The following ASTN2 variants were observed in gnomAD, a reference collection of about 807,000 sequenced individuals.
ASTN2 encodes astrotactin 2, also known as astrotactin-2.
A neutral mutation model predicts 139.8 loss-of-function variants in ASTN2; 54 were observed. That is an observed-to-expected ratio of 0.39 (90% CI 0.31 to 0.48). The LOEUF is 0.48. ASTN2 is among the 20% of genes least tolerant of loss of function. The pLI is 0.95. For synonymous variants in ASTN2, 756 were observed against 719.5 expected (o/e 1.05, Z -0.81); for missense variants, 1,565 against 1,725.1 (o/e 0.91, Z 1.64).
chr9:117,091,585 G>A (rs1828707723), intron 5 of ASTN2, among the ~76,000 whole-genome samples: 2 of 152,040 alleles, frequency 1.3e-5, no homozygotes, highest in Non-Finnish European at 2.9e-5. Flanking sequence ...GGGGGCAGGT[G>A]AATGAGTCAA....
chr9:116,677,784 T>A (rs1373760707), intron 16 of ASTN2, among the ~76,000 whole-genome samples: 2 of 152,204 alleles, frequency 1.3e-5, no homozygotes, highest in Non-Finnish European at 2.9e-5. Context: ...TTTGGGTATC[T>A]GTCTTTGCGT....
intron 5 of ASTN2, among the ~76,000 whole-genome samples, chr9:117,087,026 C>G (rs1309510205): frequency 6.6e-6 from 1 of 152,070 alleles, no homozygotes. Context: ...GTCCTGGGGG[C>G]GTTCTCTGCA....
In ASTN2 at chr9:116,616,285, A is replaced by G. The variant is rs551984744; in HGVS notation, c.3355+2039T>C. ...TTCCAATGCTGAAATTTTTCTGCTG[A>G]TATAGAAGAGGTACTCCAAGGCAAG... On this transcript the variant is annotated intron_variant, in intron 19 of 22. Transcript: ENST00000313400. 5.1e-4 allele frequency among the ~76,000 whole-genome samples: 77 copies of G among 152,334 alleles called. 1 individual carries two copies. The highest frequency in any genetic ancestry group is 1.8e-3 in the African/African-American group (74 of 41,584).
chr9:116,524,979 A>C (rs1324818820), intron 19 of ASTN2, among the ~76,000 whole-genome samples: 1 of 152,204 alleles, frequency 6.6e-6, no homozygotes, highest in Non-Finnish European at 1.5e-5. Flanking sequence ...GGTAACAGGC[A>C]GAGCTTGGAA....
In ASTN2 at chr9:117,214,403, T is replaced by G. The variant is rs776175612; in HGVS notation, c.970A>C (p.Ser324Arg). 1 of 1,612,514 alleles carries G rather than the reference T, an allele frequency of 6.2e-7. No individual in the cohort carries two copies. Among genetic ancestry groups the G allele is most frequent in the African/African-American group, 1.3e-5 (1 of 74,934 alleles). ...FGSQVTHTLD[S>R]LGHPGEEKVD... ...TTCTCTTCCCCTGGATGTCCCAGAC[T>G]GTCCAGAGTGTGGGTCACCTGGCTG... Residue 324 changes from serine (S) to arginine (R), a missense_variant, in exon 3 of 23, where the codon AGT becomes CGT. Coordinates refer to ENST00000313400, the MANE Select transcript of ASTN2 (RefSeq NM_001365068.1).
intron 3 of ASTN2, among the ~76,000 whole-genome samples, chr9:117,205,861 G>T (rs1831902810): frequency 6.6e-6 from 1 of 152,100 alleles, no homozygotes; most frequent in African/African-American, 2.4e-5. Context: ...TTTGTCTAAA[G>T]GAAAATAGCT....
intron 19 of ASTN2, among the ~76,000 whole-genome samples, chr9:116,602,905 G>C (rs533387117): frequency 6.6e-6 from 1 of 152,188 alleles, no homozygotes; most frequent in African/African-American, 2.4e-5. Flanking sequence ...ACTCCAGCCT[G>C]GGTGACAGAG....
At chr9:117,255,226 C>G (rs1157938132) in intron 2 of ASTN2, among the ~76,000 whole-genome samples, 6 of 152,168 alleles carry the variant, frequency 3.9e-5, no homozygotes, top group Non-Finnish European at 8.8e-5. Flanking sequence ...GAAGGGAGAT[C>G]ATTTAAATTT....
At position 116,820,725 on chromosome 9, in the gene ASTN2, C is replaced by T. The variant is rs755380730; in HGVS notation, c.2099G>A (p.Gly700Asp). 6.2e-6 allele frequency: 10 copies of T among 1,614,056 alleles called. No homozygotes were observed. In the South Asian group the frequency reaches 1.1e-4, roughly 18 times the overall value. Residue 700 changes from glycine (G) to aspartate (D), a missense_variant, in exon 12 of 23, where the codon GGC becomes GAC. By Grantham distance (94) the Gly-to-Asp change is moderately conservative. This residue lies in a region of ASTN2 where 503 missense variants were observed against 591.7 expected (regional missense o/e 0.85). Transcript: ENST00000313400. Reference protein sequence around the residue: ...DGSGCYDHSKGIDCSDGFNGG... With the variant: ...DGSGCYDHSKDIDCSDGFNGG... The stretch of plus-strand genomic sequence containing the variant: ...ATTAAAGCCATCAGAGCAGTCAATG[C>T]CTTTGGAGTGGTCGTAGCAGCCAGA...
intron 1 of ASTN2, among the ~76,000 whole-genome samples, chr9:117,391,603 G>A (rs1264826534): frequency 6.6e-6 from 1 of 152,082 alleles, no homozygotes; most frequent in Non-Finnish European, 1.5e-5. Context: ...ATGAGATTTG[G>A]GTGGGGACAC....
chr9:117,031,279 C>T (rs1838239394), intron 6 of ASTN2, among the ~76,000 whole-genome samples: 1 of 152,126 alleles, frequency 6.6e-6, no homozygotes, highest in Non-Finnish European at 1.5e-5. Context: ...TCTGGGTCCA[C>T]CGTCGGTCCT....
At chr9:117,039,512 G>A (rs1055123439) in intron 6 of ASTN2, among the ~76,000 whole-genome samples, 1 of 151,890 alleles carries the variant, frequency 6.6e-6, no homozygotes, top group Non-Finnish European at 1.5e-5. Flanking sequence ...TGGGTTGATA[G>A]GTGCAGCAAA....
intron 7 of ASTN2, among the ~76,000 whole-genome samples, chr9:116,999,049 A>G (rs950347729): frequency 1.3e-5 from 2 of 152,226 alleles, no homozygotes; most frequent in Non-Finnish European, 2.9e-5. Flanking sequence ...ATCCTACTAC[A>G]AATGAAAAGT....
intron 16 of ASTN2, among the ~76,000 whole-genome samples, chr9:116,675,183 G>A (rs1444790346): frequency 6.6e-6 from 1 of 152,190 alleles, no homozygotes; most frequent in African/African-American, 2.4e-5. Context: ...TACTCTATTG[G>A]TGGGGTACTG....
At chr9:116,603,404 A>G (rs923456814) in intron 19 of ASTN2, among the ~76,000 whole-genome samples, 3 of 152,212 alleles carry the variant, frequency 2.0e-5, no homozygotes, top group Non-Finnish European at 4.4e-5. Context: ...CAAAGTCTAC[A>G]GTGTGGCCCA....
intron 3 of ASTN2, among the ~76,000 whole-genome samples, chr9:117,174,681 G>C (rs1047484506): frequency 1.3e-5 from 2 of 151,900 alleles, no homozygotes; most frequent in African/African-American, 2.4e-5. Flanking sequence ...ACACAATCAG[G>C]TTAAAAGAGA....
chr9:116,721,419 C>A (rs902856555), intron 16 of ASTN2, among the ~76,000 whole-genome samples: 1 of 152,122 alleles, frequency 6.6e-6, no homozygotes, highest in Admixed American at 6.5e-5. Context: ...GCGTGAATAT[C>A]AAGTCAAAGG....
intron 13 of ASTN2, among the ~76,000 whole-genome samples, chr9:116,772,175 C>T (rs192435504): frequency 0.033 from 5,004 of 152,244 alleles, 283 homozygotes; most frequent in African/African-American, 0.11. Context: ...TATGGTTTGG[C>T]TGTGTCCCCA....
chr9:117,375,425 C>A (rs1243272883), intron 1 of ASTN2, among the ~76,000 whole-genome samples: 1 of 152,176 alleles, frequency 6.6e-6, no homozygotes, highest in African/African-American at 2.4e-5. Context: ...CTTCCACAAC[C>A]AATGTCTGTA....
Sources: allele counts gnomAD v4.1 joint callset (sites outside exome capture counted in the v4.1 genomes callset), GRCh38; gene constraint gnomAD v4.1.1; regional missense constraint gnomAD v4.1.1; transcripts MANE v1.5; gene names NCBI Gene and HGNC (gene_info 2026-07-23, HGNC 2026-07-21).